Variants in CPNE4 observed in about 807,000 individuals in gnomAD.
CPNE4 encodes the protein copine-4.
CPNE4 carries 25 observed loss-of-function variants against 67.9 expected under a neutral mutation model. That is an observed-to-expected ratio of 0.37 (90% confidence interval 0.27 to 0.51). CPNE4 has a LOEUF of 0.51. Among genes scored for constraint, CPNE4 ranks in the 20% least tolerant of loss-of-function variants. The pLI, the probability that CPNE4 is intolerant of heterozygous loss-of-function variation, is 0.93. For synonymous variants in CPNE4, 242 were observed against 244.9 expected (o/e 0.99, Z 0.11); for missense variants, 464 against 690.8 (o/e 0.67, Z 3.68).
At chr3:131,723,649 A>T (rs969203337) in intron 2 of CPNE4, 24 bp from the exon 3 acceptor site, 1 of 1,592,114 alleles carries the variant, frequency 6.3e-7, no homozygotes, top group African/African-American at 1.3e-5. Context: ...GAGAAAACCT[A>T]TCAGAGATAA....
intron 1 of CPNE4, among the ~76,000 whole-genome samples, chr3:131,978,070 TATATATAA>T (rs1345129460): frequency 2.7e-5 from 1 of 37,230 alleles, no homozygotes. Flanking sequence ...TATATATAAA[TATATATAA>T]ATATATATAA....
At chr3:131,929,841 C>A (rs892538236) in intron 1 of CPNE4, among the ~76,000 whole-genome samples, 2 of 152,142 alleles carry the variant, frequency 1.3e-5, no homozygotes, top group South Asian at 4.1e-4. Context: ...AATGAATCTG[C>A]ATTGGTGGTA....
intron 2 of CPNE4, among the ~76,000 whole-genome samples, chr3:131,837,086 A>T (rs2085586745): frequency 1.3e-5 from 2 of 152,176 alleles, no homozygotes; most frequent in Non-Finnish European, 2.9e-5. Flanking sequence ...CCTACTGCTG[A>T]TGAGATAGCA....
intron 2 of CPNE4, among the ~76,000 whole-genome samples, chr3:131,762,922 AG>A (rs2082925394): frequency 6.7e-6 from 1 of 150,254 alleles, no homozygotes; most frequent in East Asian, 2.0e-4. Flanking sequence ...GAAAAAAAAA[AG>A]CCACATACAC....
chr3:131,549,861 A>G (rs1936075548), intron 14 of CPNE4, 86 bp downstream of exon 14: 1 of 1,461,018 alleles, frequency 6.8e-7, no homozygotes, highest in African/African-American at 1.4e-5. Context: ...GTTGGAATTT[A>G]TTGTTAGAGT....
intron 7 of CPNE4, among the ~76,000 whole-genome samples, chr3:131,655,649 T>C (rs1010770464): frequency 6.6e-6 from 1 of 151,934 alleles, no homozygotes; most frequent in Non-Finnish European, 1.5e-5. Context: ...GAAACCGACG[T>C]CGGGGGGCAG....
intron 2 of CPNE4, among the ~76,000 whole-genome samples, chr3:131,787,466 C>A (rs956317253): frequency 6.6e-6 from 1 of 152,122 alleles, no homozygotes; most frequent in Admixed American, 6.6e-5. Context: ...TTTTATATCC[C>A]AGCCCCACTA....
chr3:131,643,593 G>A (rs944583479), intron 7 of CPNE4, among the ~76,000 whole-genome samples: 13 of 152,204 alleles, frequency 8.5e-5, no homozygotes, highest in Admixed American at 2.0e-4. Context: ...GTTTTGAAAT[G>A]TGAGGACATG....
At chr3:131,932,629 G>A (rs1312514475) in intron 1 of CPNE4, among the ~76,000 whole-genome samples, 1 of 152,034 alleles carries the variant, frequency 6.6e-6, no homozygotes, top group Non-Finnish European at 1.5e-5. Context: ...TGGTACATGA[G>A]TAGGAGTCAG....
intron 2 of CPNE4, among the ~76,000 whole-genome samples, chr3:131,827,711 T>A (rs993944284): frequency 1.3e-5 from 2 of 152,052 alleles, no homozygotes; most frequent in African/African-American, 4.8e-5. Context: ...GGGATGGAAA[T>A]GTAGGAAAGT....
intron 10 of CPNE4, among the ~76,000 whole-genome samples, chr3:131,566,765 C>A (rs190818720): frequency 6.6e-6 from 1 of 151,918 alleles, no homozygotes. Flanking sequence ...GATAATGGCA[C>A]CTTGCACAGG....
intron 4 of CPNE4, among the ~76,000 whole-genome samples, chr3:131,698,233 CAAAAAA>C (rs369274504): frequency 1.6e-5 from 1 of 64,450 alleles, no homozygotes. Flanking sequence ...GGCTCTGTCT[CAAAAAA>C]AAAAAAAAAA....
At position 131,905,414 on chromosome 3, in the gene CPNE4, G is replaced by T. The variant is rs780788127; in HGVS notation, c.30C>A (p.Ser10=). 3.1e-6 allele frequency: 5 copies of T among 1,612,958 alleles called. No individual in the cohort carries two copies. In the African/African-American group the frequency reaches 6.7e-5, roughly 22 times the overall value. MKKMSNIYE[S]AANTLGIFNS... ...TAAAGATTCCCAGTGTGTTGGCAGC[G>T]GACTCATAAATGTTGCTCATCTTCT... Residue 10 remains serine, a synonymous_variant, in exon 2 of 16, where the codon TCC becomes TCA. Transcript: ENST00000429747.
chr3:131,563,336 AC>A (rs1936887662), intron 11 of CPNE4, among the ~76,000 whole-genome samples: 1 of 152,052 alleles, frequency 6.6e-6, no homozygotes, highest in African/African-American at 2.4e-5. Flanking sequence ...ACTGAGATTT[AC>A]ACATATTTAT....
intron 2 of CPNE4, among the ~76,000 whole-genome samples, chr3:131,792,689 A>G (rs866561133): frequency 4.0e-4 from 27 of 67,916 alleles, no homozygotes; most frequent in South Asian, 2.4e-3. Context: ...ACACACGTGT[A>G]TATATACATA....
intron 2 of CPNE4, among the ~76,000 whole-genome samples, chr3:131,741,086 TC>T (rs1263176602): frequency 2.6e-5 from 4 of 152,214 alleles, no homozygotes; most frequent in Non-Finnish European, 1.5e-5. Flanking sequence ...CTCTAACATT[TC>T]CTATTTCCAT....
intron 5 of CPNE4, among the ~76,000 whole-genome samples, chr3:131,696,319 A>C (rs16837615): frequency 0.014 from 2,070 of 152,244 alleles, 57 homozygotes; most frequent in African/African-American, 0.048. Context: ...ATTTGGAAAC[A>C]GTCTTGGTGT....
At chr3:131,699,405 A>G (rs1300477663) in intron 4 of CPNE4, among the ~76,000 whole-genome samples, 8 of 152,208 alleles carry the variant, frequency 5.3e-5, no homozygotes, top group Non-Finnish European at 4.4e-5. Context: ...CTACTGAATC[A>G]CACAGTAAAC....
intron 1 of CPNE4, among the ~76,000 whole-genome samples, chr3:131,983,925 G>A (rs2072973906): frequency 6.6e-6 from 1 of 152,146 alleles, no homozygotes; most frequent in African/African-American, 2.4e-5. Context: ...AATTACTTCA[G>A]TGCTGTGGAT....
Sources: allele counts gnomAD v4.1 joint callset (sites outside exome capture counted in the v4.1 genomes callset), GRCh38; gene constraint gnomAD v4.1.1; transcripts MANE v1.5; gene names NCBI Gene and HGNC (gene_info 2026-07-23, HGNC 2026-07-21).